The following PAK5 variants were observed in gnomAD, a reference collection of about 807,000 sequenced individuals.
The protein encoded by PAK5 is p21 (RAC1) activated kinase 5.
In PAK5, 16 loss-of-function variants were observed where a neutral mutation model predicts 65.9. The observed-to-expected ratio is 0.24, with a 90% CI of 0.16 to 0.37. The LOEUF (loss-of-function observed/expected upper bound fraction) is 0.37. Among genes scored for constraint, PAK5 ranks in the 10% least tolerant of loss-of-function variants. PAK5 has a pLI of 1.00. For synonymous variants in PAK5, 371 were observed against 354.9 expected (o/e 1.05, Z -0.51); for missense variants, 785 against 903.9 (o/e 0.87, Z 1.69).
At chr20:9,772,461 C>A (rs1193689835) in intron 1 of PAK5, among the ~76,000 whole-genome samples, 1 of 51,662 alleles carries the variant, frequency 1.9e-5, no homozygotes, top group African/African-American at 1.5e-4. Context: ...GGGATGTATG[C>A]CATTGGTCAG....
intron 1 of PAK5, among the ~76,000 whole-genome samples, chr20:9,809,002 C>A (rs1003108265): frequency 4.6e-5 from 7 of 152,118 alleles, no homozygotes; most frequent in Non-Finnish European, 1.0e-4. Flanking sequence ...CTATTTGTTA[C>A]ACTGGGTGGT....
chr20:9,761,888 ATTC>A (rs1179298601), intron 1 of PAK5, among the ~76,000 whole-genome samples: 10 of 152,144 alleles, frequency 6.6e-5, no homozygotes, highest in South Asian at 2.1e-4. Flanking sequence ...ATTGTTGAGA[ATTC>A]TTCTTCACAG....
At chr20:9,647,694 T>C (rs2047151670) in intron 2 of PAK5, among the ~76,000 whole-genome samples, 2 of 152,226 alleles carry the variant, frequency 1.3e-5, no homozygotes, top group South Asian at 4.1e-4. Flanking sequence ...AGCACAACTA[T>C]AATTTTAATG....
chr20:9,773,212 G>T (rs1293046521), intron 1 of PAK5, among the ~76,000 whole-genome samples: 1 of 152,042 alleles, frequency 6.6e-6, no homozygotes, highest in Non-Finnish European at 1.5e-5. Context: ...AGTGGCTTTT[G>T]CTTGCATTGG....
Position 9,566,284 on chromosome 20 carries a change from G to A in PAK5, c.1091C>T (p.Ser364Leu), listed in dbSNP as rs562732119. 16 of 1,613,706 alleles carry A rather than the reference G, an allele frequency of 9.9e-6. No homozygotes were observed. In the South Asian group the frequency reaches 1.1e-4, roughly 11 times the overall value. The change falls in exon 5 of 10, where the codon TCG (serine) becomes TTG (leucine). Residue 364 changes from serine (S) to leucine (L), a missense_variant. Ser to Leu is a moderately radical substitution (Grantham distance 145, BLOSUM62 -2). Transcript: ENST00000353224. ...CTGGTGACTGCTTGAGGAATAGCCC[G>A]ATTTGCTTTGACTTTGAGGTAGTTT... The part of the protein sequence containing the change: ...PAKLPQSQSK[S>L]GYSSSSHQYP...
intron 1 of PAK5, among the ~76,000 whole-genome samples, chr20:9,776,807 C>T (rs545290374): frequency 1.3e-5 from 2 of 152,280 alleles, no homozygotes; most frequent in East Asian, 1.9e-4. Context: ...ACTACAACCT[C>T]ATAAGAGAAC....
At chr20:9,587,385 T>A (rs1307389850) in intron 3 of PAK5, among the ~76,000 whole-genome samples, 1 of 152,190 alleles carries the variant, frequency 6.6e-6, no homozygotes, top group Admixed American at 6.6e-5. Flanking sequence ...TTCTGAGATC[T>A]AAAAAGCGGA....
chr20:9,780,131 A>T (rs984503520), intron 1 of PAK5, among the ~76,000 whole-genome samples: 1 of 152,114 alleles, frequency 6.6e-6, no homozygotes, highest in African/African-American at 2.4e-5. Flanking sequence ...TTGTGGTAAG[A>T]AGGTAGCTCT....
chr20:9,594,379 A>G (rs1299862376), intron 3 of PAK5, among the ~76,000 whole-genome samples: 2 of 152,198 alleles, frequency 1.3e-5, no homozygotes, highest in Admixed American at 1.3e-4. Flanking sequence ...AGGCTTCTAA[A>G]TTAGTCTGCC....
intron 3 of PAK5, among the ~76,000 whole-genome samples, chr20:9,634,777 G>GGGGCCA (rs1212774357): frequency 1.3e-4 from 20 of 152,200 alleles, no homozygotes; most frequent in African/African-American, 4.8e-4. Flanking sequence ...TGAGAAAATG[G>GGGGCCA]GGGCCAGTGT....
At chr20:9,645,384 C>T (rs1448909020) in intron 2 of PAK5, among the ~76,000 whole-genome samples, 1 of 152,214 alleles carries the variant, frequency 6.6e-6, no homozygotes, top group Non-Finnish European at 1.5e-5. Flanking sequence ...CCAGCTAGGT[C>T]ACCTATTCAC....
chr20:9,711,693 T>C (rs970748948), intron 1 of PAK5, among the ~76,000 whole-genome samples: 29 of 152,192 alleles, frequency 1.9e-4, no homozygotes, highest in Non-Finnish European at 2.8e-4. Flanking sequence ...ATTATTCTAT[T>C]ACAAATCCAT....
intron 7 of PAK5, among the ~76,000 whole-genome samples, chr20:9,548,843 C>T (rs562911154): frequency 3.1e-4 from 47 of 151,846 alleles, no homozygotes; most frequent in African/African-American, 1.0e-3. Flanking sequence ...TTTTTCATTT[C>T]CTTGTTCATG....
intron 9 of PAK5, 115 bp downstream of exon 9, chr20:9,542,471 A>T: frequency 9.7e-7 from 1 of 1,034,692 alleles, no homozygotes; most frequent in African/African-American, 1.6e-5. Context: ...TCCAAAGTCC[A>T]TGCTCATAAA....
At chr20:9,787,754 T>G (rs1447594322) in intron 1 of PAK5, among the ~76,000 whole-genome samples, 1 of 151,968 alleles carries the variant, frequency 6.6e-6, no homozygotes, top group Non-Finnish European at 1.5e-5. Context: ...TGGGAATAGA[T>G]ATGCAGTAGA....
At chr20:9,662,844 C>T (rs1187284994) in intron 2 of PAK5, among the ~76,000 whole-genome samples, 2 of 152,060 alleles carry the variant, frequency 1.3e-5, no homozygotes, top group Admixed American at 1.3e-4. Context: ...GAGAAAAAAG[C>T]TAAGTATCAG....
intron 1 of PAK5, among the ~76,000 whole-genome samples, chr20:9,768,656 G>A (rs962717974): frequency 2.6e-5 from 4 of 151,362 alleles, no homozygotes; most frequent in Middle Eastern, 3.2e-3. Flanking sequence ...GGTGGCGCGC[G>A]GCTGTAGTCC....
chr20:9,782,976 C>A (rs2123702383), intron 1 of PAK5, among the ~76,000 whole-genome samples: 1 of 148,126 alleles, frequency 6.8e-6, no homozygotes, highest in African/African-American at 2.5e-5. Context: ...GTTGCCCAGG[C>A]TGGAGTGTAA....
intron 2 of PAK5, among the ~76,000 whole-genome samples, chr20:9,687,886 G>GGTGTGTGT (rs111641971): frequency 0.025 from 3,749 of 148,692 alleles, 68 homozygotes; most frequent in East Asian, 0.073. Flanking sequence ...AAGAGAGGGA[G>GGTGTGTGT]GTGTGTGTGT....
Sources: allele counts gnomAD v4.1 joint callset (sites outside exome capture counted in the v4.1 genomes callset), GRCh38; gene constraint gnomAD v4.1.1; transcripts MANE v1.5; gene names NCBI Gene and HGNC (gene_info 2026-07-23, HGNC 2026-07-21).